Variants in ZNRF3 observed in about 807,000 individuals in gnomAD.
The protein encoded by ZNRF3 is E3 ubiquitin-protein ligase ZNRF3.
A neutral mutation model predicts 72.5 loss-of-function variants in ZNRF3; 23 were observed. The observed-to-expected ratio is 0.32, with a 90% CI of 0.23 to 0.45. ZNRF3 has a LOEUF of 0.45. Ranked by LOEUF, ZNRF3 falls within the 20% of genes least tolerant of loss-of-function variation. The pLI is 1.00. For missense variants in ZNRF3, 1,169 were observed against 1,272.1 expected (o/e 0.92, Z 1.23); for synonymous variants, 610 against 545.3 (o/e 1.12, Z -1.65).
rs557099296 is a variant in ZNRF3 at position 28,904,057 on chromosome 22, T to C, written c.300+19991T>C. ...GTGGAATTAATCTGGCGTTAGAGAG[T>C]GAGCTTGTTCTTATCTAGTCTAAAC... is the stretch of plus-strand genomic sequence containing the variant. On this transcript the variant is annotated intron_variant, in intron 1 of 8. Transcript: ENST00000544604. Among the ~76,000 whole-genome samples, 7 of 152,068 alleles carry C rather than the reference T, an allele frequency of 4.6e-5. No individual in the cohort carries two copies. In the South Asian group the frequency reaches 1.5e-3, roughly 32 times the overall value.
intron 1 of ZNRF3, among the ~76,000 whole-genome samples, chr22:28,954,621 T>G (rs2035223248): frequency 6.6e-6 from 1 of 152,228 alleles, no homozygotes; most frequent in Non-Finnish European, 1.5e-5. Context: ...TGTTTTTGTA[T>G]ATCATCTCTG....
chr22:28,957,097 G>T (rs1217557617), intron 1 of ZNRF3, among the ~76,000 whole-genome samples: 1 of 152,216 alleles, frequency 6.6e-6, no homozygotes, highest in Non-Finnish European at 1.5e-5. Flanking sequence ...AAGCAGTGTA[G>T]ATTTACACAG....
In ZNRF3 at chr22:29,052,917, CATG is replaced by C. The variant is rs796664866; in HGVS notation, c.2768-659_2768-657del. On this transcript the variant is annotated intron_variant, in intron 8 of 8. Coordinates refer to ENST00000544604, the MANE Select transcript of ZNRF3 (RefSeq NM_001206998.2). ...GAGCCCAAGAGATTGAGGCTGTAGTCATGATCTCACCACTGCACTTCAGCCTAG... is the reference window on the plus strand; with the variant it reads ...GAGCCCAAGAGATTGAGGCTGTAGTCATCTCACCACTGCACTTCAGCCTAG... 1.3e-4 allele frequency among the ~76,000 whole-genome samples: 20 copies of C among 152,270 alleles called. 1 individual carries two copies. The highest frequency in any genetic ancestry group is 4.6e-4 in the African/African-American group (19 of 41,548).
intron 1 of ZNRF3, among the ~76,000 whole-genome samples, chr22:28,947,358 T>C (rs2035071587): frequency 6.6e-6 from 1 of 152,228 alleles, no homozygotes; most frequent in Non-Finnish European, 1.5e-5. Flanking sequence ...TTCATTTCTC[T>C]TGGGTATATA....
intron 1 of ZNRF3, among the ~76,000 whole-genome samples, chr22:28,951,395 T>G (rs1401762259): frequency 6.6e-6 from 1 of 152,088 alleles, no homozygotes; most frequent in African/African-American, 2.4e-5. Context: ...TCTGGACATA[T>G]GCACACACAC....
chr22:28,894,070 C>T lies in ZNRF3; in HGVS notation c.300+10004C>T, dbSNP rs143593172. The stretch of plus-strand genomic sequence containing the variant: ...CTCAGGCTCACAAGTGATCCTTCCG[C>T]CTCAGCCTCCCAAGTAACTGGGACT... On this transcript the variant is annotated intron_variant, in intron 1 of 8. Coordinates refer to ENST00000544604, the MANE Select transcript of ZNRF3 (RefSeq NM_001206998.2). 8.3e-4 allele frequency among the ~76,000 whole-genome samples: 126 copies of T among 152,204 alleles called. 3 individuals are homozygous for T. The East Asian group carries it at 0.024, about 29-fold the overall frequency.
chr22:28,953,566 A>C (rs942759247), intron 1 of ZNRF3, among the ~76,000 whole-genome samples: 5 of 152,246 alleles, frequency 3.3e-5, no homozygotes, highest in Non-Finnish European at 5.9e-5. Flanking sequence ...AGTAAAGAAC[A>C]TGAAAGGGAC....
At chr22:29,009,828 G>A (rs2036318154) in intron 2 of ZNRF3, among the ~76,000 whole-genome samples, 2 of 151,420 alleles carry the variant, frequency 1.3e-5, no homozygotes, top group Admixed American at 1.3e-4. Flanking sequence ...TTAAGTGTAC[G>A]AGTTCAGTGG....
chr22:29,035,725 G>A (rs912103159), intron 2 of ZNRF3, among the ~76,000 whole-genome samples: 5 of 152,084 alleles, frequency 3.3e-5, no homozygotes, highest in Non-Finnish European at 7.4e-5. Flanking sequence ...ACAGGGGCAC[G>A]CTGCCACGCC....
At chr22:28,888,515 T>C (rs2033829894) in intron 1 of ZNRF3, among the ~76,000 whole-genome samples, 1 of 152,238 alleles carries the variant, frequency 6.6e-6, no homozygotes, top group Admixed American at 6.5e-5. Context: ...TGTGATGTTA[T>C]ACATTCTTAG....
chr22:29,001,059 C>CTTTTTT (rs773296494), intron 2 of ZNRF3, among the ~76,000 whole-genome samples: 6 of 77,956 alleles, frequency 7.7e-5, no homozygotes, highest in East Asian at 4.8e-4. Context: ...AAAGCTTTGC[C>CTTTTTT]TTTTTTTTTT....
chr22:28,908,588 A>G (rs942209795), intron 1 of ZNRF3, among the ~76,000 whole-genome samples: 3 of 152,130 alleles, frequency 2.0e-5, no homozygotes, highest in East Asian at 3.9e-4. Context: ...CCTGTGTCCT[A>G]TGGGGCATGT....
intron 1 of ZNRF3, among the ~76,000 whole-genome samples, chr22:28,889,801 A>G (rs1208256485): frequency 6.6e-6 from 1 of 152,194 alleles, no homozygotes; most frequent in Non-Finnish European, 1.5e-5. Flanking sequence ...GGATGTGGGA[A>G]AGCAGAGTAT....
At chr22:28,992,046 G>A (rs1410676596) in intron 2 of ZNRF3, among the ~76,000 whole-genome samples, 2 of 151,816 alleles carry the variant, frequency 1.3e-5, no homozygotes, top group African/African-American at 4.8e-5. Context: ...CTAGCTACTC[G>A]GGAGGCTGAG....
At chr22:28,975,606 G>A (rs1429433784) in intron 1 of ZNRF3, among the ~76,000 whole-genome samples, 5 of 151,848 alleles carry the variant, frequency 3.3e-5, no homozygotes, top group East Asian at 1.9e-4. Context: ...ACATGGTGGC[G>A]GGCGCCTGTA....
chr22:28,937,215 A>ATATATAT (rs1384534826), intron 1 of ZNRF3, among the ~76,000 whole-genome samples: 1 of 8,854 alleles, frequency 1.1e-4, no homozygotes, highest in African/African-American at 2.7e-4. Context: ...ATATATATAT[A>ATATATAT]TTTTTTTTTT....
intron 1 of ZNRF3, among the ~76,000 whole-genome samples, chr22:28,974,490 G>T (rs914586214): frequency 2.6e-5 from 4 of 152,042 alleles, no homozygotes; most frequent in Admixed American, 6.6e-5. Context: ...TCCTTGCCTG[G>T]TGTCCAGCCA....
intron 1 of ZNRF3, among the ~76,000 whole-genome samples, chr22:28,913,710 C>T (rs1297596029): frequency 6.6e-6 from 1 of 152,166 alleles, no homozygotes; most frequent in Non-Finnish European, 1.5e-5. Context: ...AATTTAATTT[C>T]TACTGGAATG....
intron 1 of ZNRF3, among the ~76,000 whole-genome samples, chr22:28,936,472 C>T (rs751559049): frequency 2.3e-4 from 35 of 152,130 alleles, no homozygotes; most frequent in Non-Finnish European, 3.7e-4. Flanking sequence ...CCTAGTGCCC[C>T]GGTACCTCTC....
Sources: allele counts gnomAD v4.1 joint callset (sites outside exome capture counted in the v4.1 genomes callset), GRCh38; gene constraint gnomAD v4.1.1; transcripts MANE v1.5; gene names NCBI Gene and HGNC (gene_info 2026-07-23, HGNC 2026-07-21).